RTTN: variants seen among roughly 807,000 people sequenced by gnomAD.
RTTN encodes the protein rotatin.
In RTTN, 182 loss-of-function variants were observed where a neutral mutation model predicts 269.2. The ratio of observed to expected loss-of-function variants is 0.68; its 90% CI spans 0.60 to 0.76. The LOEUF is 0.76. Ranked by LOEUF, RTTN falls within the 30% of genes least tolerant of loss-of-function variation. RTTN has a pLI of 0.00. For synonymous variants in RTTN, 1,006 were observed against 963.5 expected, an observed-to-expected ratio of 1.04 and a Z score of -0.82; for missense variants, 2,545 against 2,608.6, an observed-to-expected ratio of 0.98 and a Z score of 0.53.
intron 33 of RTTN, chr18:70,075,022 T>G (rs1482566395): frequency 6.0e-6 from 1 of 166,028 alleles, no homozygotes; most frequent in East Asian, 1.8e-4. Flanking sequence ...AAAACTGTAC[T>G]GATGGGCATA....
intron 17 of RTTN, among the ~76,000 whole-genome samples, chr18:70,146,807 A>AAC (rs1179603052): frequency 2.0e-5 from 3 of 152,062 alleles, no homozygotes; most frequent in Non-Finnish European, 2.9e-5. Context: ...AAGACACCCA[A>AAC]TAAATACTTC....
At chr18:70,186,370 T>C (rs558842881) in intron 10 of RTTN, among the ~76,000 whole-genome samples, 48 of 152,316 alleles carry the variant, frequency 3.2e-4, no homozygotes, top group African/African-American at 1.1e-3. Context: ...AAAAAATAAC[T>C]GGGTTTGTTA....
intron 10 of RTTN, among the ~76,000 whole-genome samples, chr18:70,180,943 A>G (rs2061409775): frequency 6.6e-6 from 1 of 152,240 alleles, no homozygotes. Context: ...GCATATATTA[A>G]TAACGGGCAA....
intron 28 of RTTN, among the ~76,000 whole-genome samples, chr18:70,104,420 G>T (rs1223663184): frequency 6.6e-6 from 1 of 152,076 alleles, no homozygotes; most frequent in Non-Finnish European, 1.5e-5. Context: ...TAGCTTCTTT[G>T]TGATGGGTTC....
At chr18:70,093,621 T>G (rs2058914371) in intron 28 of RTTN, among the ~76,000 whole-genome samples, 2 of 152,252 alleles carry the variant, frequency 1.3e-5, no homozygotes, top group African/African-American at 4.8e-5. Context: ...TTTGCATATG[T>G]TGAACGGGCC....
chr18:70,184,776 TC>T (rs111895033), intron 10 of RTTN, among the ~76,000 whole-genome samples: 5 of 124,330 alleles, frequency 4.0e-5, no homozygotes, highest in African/African-American at 1.4e-4. Flanking sequence ...GCGCCTGTAG[TC>T]CCAGCTACTT....
At position 70,054,123 on chromosome 18, in the gene RTTN, A is replaced by T; in HGVS notation, c.5185+8T>A. On this transcript the variant is annotated splice_region_variant and intron_variant, in intron 38 of 48. Coordinates refer to ENST00000640769, the MANE Select transcript of RTTN (RefSeq NM_173630.4). Reference sequence around the variant, plus strand: ...ACTTACATTCTAAACTAAAACAATTAAGCTTACCTAATACATCTTTGGTAC... The same window carrying T: ...ACTTACATTCTAAACTAAAACAATTTAGCTTACCTAATACATCTTTGGTAC... 6.8e-6 allele frequency: 11 copies of T among 1,606,768 alleles called. No individual in the cohort carries two copies. Among genetic ancestry groups the T allele is most frequent in the Non-Finnish European group, 9.4e-6 (11 of 1,174,180 alleles).
rs531741265 is a variant in RTTN, at chr18:70,086,694, T to TAAAAAAAA, written c.4303-18_4303-11dup. 1.0e-5 allele frequency: 5 copies of TAAAAAAAA among 487,792 alleles called. No individual in the cohort carries two copies. The African/African-American group carries it at 1.4e-4, about 14-fold the overall frequency. The allele number at this position is 487,792 out of a possible 1,614,324, so 30.2% of individuals were successfully genotyped here. A position where few individuals can be genotyped will look rare whatever the true frequency, so the allele number is the denominator to read the frequency against. On this transcript the variant is annotated splice_polypyrimidine_tract_variant and intron_variant, in intron 31 of 48. Transcript: ENST00000640769. ...GAAGAATAAATGCCGCCTGAAAATG[T>TAAAAAAAA]AAAAAAAAAAAAAAAAAAAAAAAAA...
intron 14 of RTTN, among the ~76,000 whole-genome samples, chr18:70,165,791 C>A (rs2060969092): frequency 6.6e-6 from 1 of 151,978 alleles, no homozygotes. Flanking sequence ...ACCTGGAAAT[C>A]AATTTTCCTT....
chr18:70,061,509 T>C (rs1013483801), intron 35 of RTTN: 5 of 435,878 alleles, frequency 1.1e-5, no homozygotes, highest in South Asian at 8.1e-5. Flanking sequence ...TATATACGTA[T>C]GCATGCACAT....
At chr18:70,201,778 T>C (rs1307752390) in intron 4 of RTTN, 116 bp downstream of exon 4, 3 of 634,198 alleles carry the variant, frequency 4.7e-6, no homozygotes, top group South Asian at 2.0e-5. Flanking sequence ...CATTTAATGA[T>C]AGTTTGGTGC....
At chr18:70,024,487 C>T (rs2056795373) in intron 44 of RTTN, among the ~76,000 whole-genome samples, 1 of 152,182 alleles carries the variant, frequency 6.6e-6, no homozygotes, top group Non-Finnish European at 1.5e-5. Context: ...GATAATCAGA[C>T]CAGTCCTCCC....
chr18:70,005,154 T>C, intron 48 of RTTN, 44 bp downstream of exon 48: 4 of 1,442,828 alleles, frequency 2.8e-6, no homozygotes, highest in African/African-American at 2.8e-5. Flanking sequence ...ATCCACTTAA[T>C]AGCTTCTGAG....
chr18:70,041,380 G>GCA (rs10701052), intron 40 of RTTN, among the ~76,000 whole-genome samples: 115,967 of 147,408 alleles, frequency 0.79, 49,696 homozygotes, highest in East Asian at 0.98. Flanking sequence ...AAATGGGATT[G>GCA]CACACACACA....
intron 34 of RTTN, among the ~76,000 whole-genome samples, chr18:70,067,968 T>C (rs73466770): frequency 0.019 from 2,931 of 152,314 alleles, 81 homozygotes; most frequent in African/African-American, 0.067. Flanking sequence ...GTATTATAAC[T>C]TACCCCATGT....
intron 46 of RTTN, 56 bp downstream of exon 46, chr18:70,017,351 C>T (rs1269142399): frequency 1.3e-6 from 2 of 1,490,246 alleles, no homozygotes; most frequent in Non-Finnish European, 1.8e-6. Flanking sequence ...TTGGTGTTGA[C>T]CTGAACAGTC....
chr18:70,149,892 T>C, intron 16 of RTTN, 79 bp downstream of exon 16: 1 of 966,908 alleles, frequency 1.0e-6, no homozygotes, highest in South Asian at 1.3e-5. Flanking sequence ...CTTGACAGTT[T>C]AGCTGTTTGC....
chr18:70,192,553 C>T (rs1051375451), intron 8 of RTTN, among the ~76,000 whole-genome samples: 3 of 151,384 alleles, frequency 2.0e-5, no homozygotes, highest in Non-Finnish European at 2.9e-5. Context: ...TGGTAGTGCA[C>T]ATCTGTGGTC....
intron 46 of RTTN, 111 bp downstream of exon 46, chr18:70,017,296 C>A (rs1165934252): frequency 7.6e-6 from 8 of 1,056,224 alleles, no homozygotes; most frequent in Non-Finnish European, 1.1e-5. Context: ...GCTTTGAACA[C>A]AGTGGGTGCT....
Sources: gnomAD v4.1 joint callset for allele counts (sites outside exome capture counted in the v4.1 genomes callset) on GRCh38, gnomAD v4.1.1 for gene constraint, MANE v1.5 for transcripts, NCBI Gene and HGNC (gene_info 2026-07-23, HGNC 2026-07-21) for gene names.